Variants in ZBTB7C observed in about 807,000 individuals in gnomAD.
ZBTB7C encodes zinc finger and BTB domain-containing protein 7C.
In ZBTB7C, 8 loss-of-function variants were observed where a neutral mutation model predicts 25.7. That is an observed-to-expected ratio of 0.31 (90% confidence interval 0.18 to 0.56). The LOEUF is 0.56. Ranked by LOEUF, ZBTB7C falls within the 20% of genes least tolerant of loss-of-function variation. ZBTB7C has a pLI of 0.91. For missense variants in ZBTB7C, 824 were observed against 855.2 expected, an observed-to-expected ratio of 0.96 and a Z score of 0.46; for synonymous variants, 394 against 369.0, an observed-to-expected ratio of 1.07 and a Z score of -0.78.
chr18:48,399,098 G>A (rs181102051), intron 1 of ZBTB7C, among the ~76,000 whole-genome samples: 1 of 152,218 alleles, frequency 6.6e-6, no homozygotes, highest in African/African-American at 2.4e-5. Flanking sequence ...TCTCCAAGAC[G>A]TTAAGTGCAA....
At chr18:48,367,730 C>G (rs1488582781) in intron 1 of ZBTB7C, among the ~76,000 whole-genome samples, 1 of 151,986 alleles carries the variant, frequency 6.6e-6, no homozygotes, top group Non-Finnish European at 1.5e-5. Flanking sequence ...ACCCAGCACT[C>G]CCTGCTGGGA....
At chr18:48,335,010 G>A (rs144600223) in intron 2 of ZBTB7C, among the ~76,000 whole-genome samples, 1 of 152,194 alleles carries the variant, frequency 6.6e-6, no homozygotes, top group African/African-American at 2.4e-5. Flanking sequence ...GGCAGAGCTG[G>A]CATAGATAGA....
chr18:48,334,390 C>G (rs1187605883), intron 2 of ZBTB7C, among the ~76,000 whole-genome samples: 2 of 152,174 alleles, frequency 1.3e-5, no homozygotes, highest in African/African-American at 4.8e-5. Context: ...AGTCCTATGG[C>G]AGCACCATCT....
chr18:48,348,552 C>G (rs56904778), intron 1 of ZBTB7C, among the ~76,000 whole-genome samples: 10,831 of 152,284 alleles, frequency 0.071, 438 homozygotes, highest in Middle Eastern at 0.12. Context: ...AGTGGTGGCT[C>G]ATGCCTGTAA....
chr18:48,117,278 G>A (rs4636987), intron 3 of ZBTB7C, among the ~76,000 whole-genome samples: 54,946 of 152,142 alleles, frequency 0.36, 11,301 homozygotes, highest in Middle Eastern at 0.5. Flanking sequence ...TTGGAGGCAG[G>A]ATAGACTAGA....
chr18:48,299,022 AGCGCCC>A (rs781055212), intron 2 of ZBTB7C, among the ~76,000 whole-genome samples: 17 of 152,134 alleles, frequency 1.1e-4, no homozygotes, highest in Non-Finnish European at 2.2e-4. Context: ...CACAGACACA[AGCGCCC>A]AGTCCTGTCC....
chr18:48,052,652 C>A (rs2036742139), intron 3 of ZBTB7C, among the ~76,000 whole-genome samples: 1 of 152,080 alleles, frequency 6.6e-6, no homozygotes, highest in African/African-American at 2.4e-5. Flanking sequence ...CTGGGAAGTA[C>A]CCAGGTGTGC....
At chr18:48,065,335 T>TCA (rs561805409) in intron 3 of ZBTB7C, among the ~76,000 whole-genome samples, 3,944 of 150,814 alleles carry the variant, frequency 0.026, 74 homozygotes, top group South Asian at 0.04. Context: ...TCTCTCTCTC[T>TCA]CACACACACA....
chr18:48,146,269 TCTGA>T (rs1349157891), intron 3 of ZBTB7C, among the ~76,000 whole-genome samples: 2 of 152,208 alleles, frequency 1.3e-5, no homozygotes, highest in African/African-American at 2.4e-5. Flanking sequence ...TTTTATAATA[TCTGA>T]CTAATAATTG....
intron 1 of ZBTB7C, among the ~76,000 whole-genome samples, chr18:48,344,312 C>T (rs551428677): frequency 6.6e-6 from 1 of 152,302 alleles, no homozygotes; most frequent in South Asian, 2.1e-4. Flanking sequence ...CAGTGCTTGT[C>T]AAACTTCTAC....
At chr18:48,086,429 G>T (rs915160388) in intron 3 of ZBTB7C, among the ~76,000 whole-genome samples, 2 of 152,160 alleles carry the variant, frequency 1.3e-5, no homozygotes, top group Non-Finnish European at 1.5e-5. Flanking sequence ...TCTACCTACT[G>T]CCCTGTAAAG....
At chr18:48,398,615 A>T (rs992471366) in intron 1 of ZBTB7C, among the ~76,000 whole-genome samples, 2 of 152,084 alleles carry the variant, frequency 1.3e-5, no homozygotes, top group Non-Finnish European at 2.9e-5. Context: ...TTTCCCCAGC[A>T]TGAAGCTGCA....
At chr18:48,175,877 G>A (rs980783299) in intron 3 of ZBTB7C, among the ~76,000 whole-genome samples, 2 of 152,222 alleles carry the variant, frequency 1.3e-5, no homozygotes, top group East Asian at 1.9e-4. Flanking sequence ...GTTGCTTACA[G>A]TAGAATGCAA....
At chr18:48,196,771 C>T (rs2042327240) in intron 2 of ZBTB7C, among the ~76,000 whole-genome samples, 1 of 152,100 alleles carries the variant, frequency 6.6e-6, no homozygotes. Context: ...AATGAACCAC[C>T]CAACCGACCA....
At chr18:48,163,469 C>T (rs986397161) in intron 3 of ZBTB7C, among the ~76,000 whole-genome samples, 1 of 152,214 alleles carries the variant, frequency 6.6e-6, no homozygotes, top group Non-Finnish European at 1.5e-5. Context: ...CATGAACTGG[C>T]TGGGAGCCCT....
intron 3 of ZBTB7C, among the ~76,000 whole-genome samples, chr18:48,084,644 C>T (rs1369633619): frequency 6.6e-6 from 1 of 152,200 alleles, no homozygotes; most frequent in African/African-American, 2.4e-5. Context: ...GGTGTTTACA[C>T]AGATTCAGAC....
intron 3 of ZBTB7C, among the ~76,000 whole-genome samples, chr18:48,136,432 G>C (rs778799251): frequency 1.3e-5 from 2 of 152,170 alleles, no homozygotes; most frequent in African/African-American, 2.4e-5. Context: ...CGCCTAGCTG[G>C]ACTTCTGCCA....
chr18:48,334,663 C>T (rs776721264), intron 2 of ZBTB7C, among the ~76,000 whole-genome samples: 1 of 152,176 alleles, frequency 6.6e-6, no homozygotes, highest in Non-Finnish European at 1.5e-5. Flanking sequence ...AAAATGTGTA[C>T]TCCCTCCAGT....
At chr18:48,315,236 G>A (rs1044657164) in intron 2 of ZBTB7C, among the ~76,000 whole-genome samples, 2 of 152,222 alleles carry the variant, frequency 1.3e-5, no homozygotes, top group Non-Finnish European at 2.9e-5. Context: ...AACAGCTGGA[G>A]TTTGCTGGGG....
Sources: gnomAD v4.1 joint callset for allele counts (sites outside exome capture counted in the v4.1 genomes callset) on GRCh38, gnomAD v4.1.1 for gene constraint, MANE v1.5 for transcripts, NCBI Gene and HGNC (gene_info 2026-07-23, HGNC 2026-07-21) for gene names.